The following KCTD16 variants were observed in gnomAD, a reference collection of about 807,000 sequenced individuals.
The protein encoded by KCTD16 is BTB/POZ domain-containing protein KCTD16.
In KCTD16, 13 loss-of-function variants were observed where a neutral mutation model predicts 33.2. That is an observed-to-expected ratio of 0.39 (90% CI 0.25 to 0.62). KCTD16 has a LOEUF of 0.62. Ranked by LOEUF, KCTD16 falls within the 20% of genes least tolerant of loss-of-function variation. KCTD16 has a pLI of 0.50. For synonymous variants in KCTD16, 197 were observed against 195.3 expected, an observed-to-expected ratio of 1.01 and a Z score of -0.07; for missense variants, 441 against 525.1, an observed-to-expected ratio of 0.84 and a Z score of 1.57.
intron 3 of KCTD16, among the ~76,000 whole-genome samples, chr5:144,221,636 A>G (rs190551578): frequency 6.6e-6 from 1 of 152,244 alleles, no homozygotes; most frequent in Admixed American, 6.5e-5. Context: ...CATGGTGTAT[A>G]TGTGCCACAT....
At chr5:144,225,860 A>C (rs1349726281) in intron 3 of KCTD16, among the ~76,000 whole-genome samples, 1 of 152,182 alleles carries the variant, frequency 6.6e-6, no homozygotes, top group East Asian at 1.9e-4. Flanking sequence ...TTTTGTTGTA[A>C]GTATTTCATG....
chr5:144,396,300 C>T (rs1285425967), intron 3 of KCTD16, among the ~76,000 whole-genome samples: 1 of 152,148 alleles, frequency 6.6e-6, no homozygotes. Context: ...CTTTCCAGCC[C>T]TTGACATCTT....
At chr5:144,205,672 A>G (rs1409035390) in intron 2 of KCTD16, 3 of 398,194 alleles carry the variant, frequency 7.5e-6, no homozygotes, top group African/African-American at 4.1e-5. Context: ...CTTTCCAAAG[A>G]TTTCTTTTTC....
chr5:144,268,398 C>G (rs148287904), intron 3 of KCTD16, among the ~76,000 whole-genome samples: 10 of 152,100 alleles, frequency 6.6e-5, no homozygotes, highest in South Asian at 2.1e-4. Context: ...TTTTCTACCC[C>G]CTTTTTGTCT....
At chr5:144,176,692 G>A (rs913127956) in intron 2 of KCTD16, among the ~76,000 whole-genome samples, 2 of 152,100 alleles carry the variant, frequency 1.3e-5, no homozygotes, top group Non-Finnish European at 2.9e-5. Flanking sequence ...GTGAGCCACC[G>A]CGCCCGGCCA....
rs907008288 is a variant in KCTD16, at chr5:144,206,449, G to A, written c.-266G>A. 2 of 383,776 alleles carry A rather than the reference G, an allele frequency of 5.2e-6. No individual in the cohort carries two copies. The highest frequency in any genetic ancestry group is 2.0e-5 in the African/African-American group (1 of 48,968). 23.8% of individuals were successfully genotyped at this position (383,776 alleles called of 1,614,324 possible). ...TGCATGTGAGCTTGATGGAAGATTG[G>A]ATATAGACGAGTTGATTATATTTTA... is the stretch of plus-strand genomic sequence containing the variant. On this transcript the variant is annotated 5_prime_UTR_variant, in exon 3 of 4. The change creates a premature stop within an existing upstream ORF in the 5' untranslated region. Transcript: ENST00000512467.
intron 3 of KCTD16, among the ~76,000 whole-genome samples, chr5:144,243,645 CA>C (rs1200986431): frequency 5.3e-5 from 8 of 152,160 alleles, no homozygotes; most frequent in Non-Finnish European, 1.0e-4. Context: ...TTACTTAAAG[CA>C]GAAGACTACG....
intron 3 of KCTD16, among the ~76,000 whole-genome samples, chr5:144,282,052 A>T (rs1755621944): frequency 6.6e-6 from 1 of 152,218 alleles, no homozygotes; most frequent in African/African-American, 2.4e-5. Flanking sequence ...GATAAGAATG[A>T]TAAGAATTTT....
chr5:144,471,305 A>G (rs943511943), intron 3 of KCTD16, among the ~76,000 whole-genome samples: 13 of 152,218 alleles, frequency 8.5e-5, no homozygotes, highest in Admixed American at 6.5e-4. Context: ...CTCTTGGACA[A>G]AAAGACAGCA....
intron 3 of KCTD16, among the ~76,000 whole-genome samples, chr5:144,465,027 C>A (rs959698649): frequency 7.9e-5 from 12 of 152,168 alleles, no homozygotes; most frequent in Non-Finnish European, 1.2e-4. Flanking sequence ...TCTCTAGCTA[C>A]CTATTTGCCC....
chr5:144,224,015 C>T (rs1753848537), intron 3 of KCTD16, among the ~76,000 whole-genome samples: 1 of 151,868 alleles, frequency 6.6e-6, no homozygotes, highest in East Asian at 1.9e-4. Flanking sequence ...GAAAACTTGG[C>T]TTTTTGCATT....
chr5:144,325,607 T>C (rs529989417), intron 3 of KCTD16, among the ~76,000 whole-genome samples: 19 of 152,260 alleles, frequency 1.2e-4, no homozygotes, highest in African/African-American at 4.6e-4. Flanking sequence ...TCTTATTCTC[T>C]ATTCTCCTTT....
intron 3 of KCTD16, among the ~76,000 whole-genome samples, chr5:144,337,198 T>C (rs914128059): frequency 3.3e-5 from 5 of 151,972 alleles, no homozygotes; most frequent in Admixed American, 3.3e-4. Context: ...ATAATGGGCA[T>C]TTTTGCGTTG....
intron 2 of KCTD16, among the ~76,000 whole-genome samples, chr5:144,182,960 G>A (rs1378109172): frequency 1.3e-5 from 2 of 151,790 alleles, no homozygotes; most frequent in Non-Finnish European, 2.9e-5. Flanking sequence ...TGATGGATAT[G>A]TTAAGTTGCT....
At chr5:144,231,613 C>T (rs1754105351) in intron 3 of KCTD16, among the ~76,000 whole-genome samples, 2 of 152,042 alleles carry the variant, frequency 1.3e-5, no homozygotes, top group Admixed American at 1.3e-4. Flanking sequence ...GTAATAATCC[C>T]CATGTATCAG....
intron 3 of KCTD16, among the ~76,000 whole-genome samples, chr5:144,451,009 T>C (rs1753929272): frequency 6.6e-6 from 1 of 152,114 alleles, no homozygotes; most frequent in African/African-American, 2.4e-5. Context: ...CAAGGAAATT[T>C]TGGAGGTGAT....
chr5:144,463,271 T>C (rs775601533), intron 3 of KCTD16, among the ~76,000 whole-genome samples: 2 of 152,192 alleles, frequency 1.3e-5, no homozygotes, highest in Non-Finnish European at 1.5e-5. Context: ...AGACTGCCTA[T>C]TGAAAAAAAG....
At chr5:144,293,498 A>G (rs1167513276) in intron 3 of KCTD16, among the ~76,000 whole-genome samples, 1 of 152,180 alleles carries the variant, frequency 6.6e-6, no homozygotes, top group East Asian at 1.9e-4. Context: ...TGCACTTTTT[A>G]TTCTTATGGC....
At chr5:144,356,220 T>C (rs771879858) in intron 3 of KCTD16, among the ~76,000 whole-genome samples, 3 of 152,212 alleles carry the variant, frequency 2.0e-5, no homozygotes, top group Admixed American at 1.3e-4. Context: ...TTAGCTTTTA[T>C]ACCTTTATGT....
Sources: gnomAD v4.1 joint callset for allele counts (sites outside exome capture counted in the v4.1 genomes callset) on GRCh38, gnomAD v4.1.1 for gene constraint, MANE v1.5 for transcripts, NCBI Gene and HGNC (gene_info 2026-07-23, HGNC 2026-07-21) for gene names.